The following ATP11C variants were observed in gnomAD, a reference collection of about 807,000 sequenced individuals.
ATP11C encodes the protein ATPase phospholipid transporting 11C (ATP11C blood group), also known as phospholipid-transporting ATPase IG.
ATP11C carries 36 observed loss-of-function variants against 97.4 expected under a neutral mutation model. The observed-to-expected ratio is 0.37, with a 90% CI of 0.28 to 0.49. ATP11C has a LOEUF of 0.49. Among genes scored for constraint, ATP11C ranks in the 20% least tolerant of loss-of-function variants. ATP11C has a pLI of 0.98. For missense variants in ATP11C, 730 were observed against 824.6 expected (o/e 0.89, Z 1.40); for synonymous variants, 275 against 290.9 (o/e 0.95, Z 0.56).
chrX:139,906,511 T>C (rs973105087), intron 1 of ATP11C, among the ~76,000 whole-genome samples: 20 of 109,601 alleles, frequency 1.8e-4, no homozygotes, highest in Non-Finnish European at 3.6e-4. Context: ...TGGCCGGGCA[T>C]GGTGGCTCAC....
At chrX:139,934,235 C>G (rs4825170), upstream of ATP11C, among the ~76,000 whole-genome samples, 178 of 111,718 alleles carry the variant, frequency 1.6e-3, no homozygotes, top group Admixed American at 4.5e-3. Context: ...AAACATGTTA[C>G]GAAGTTTGAA....
At position 139,729,561 on chromosome X, in the gene ATP11C, G is replaced by C. The variant is rs564621689; in HGVS notation, c.*4-599C>G. Among the ~76,000 whole-genome samples the C allele has an allele frequency of 1.2e-3, 133 of 111,614 alleles. 2 individuals are homozygous for C. The highest frequency in any genetic ancestry group is 2.6e-3 in the South Asian group (7 of 2,664). On this transcript the variant is annotated intron_variant, in intron 29 of 29. Transcript: ENST00000682941. ...TTGGTAGATCATGTATCTATGAGTC[G>C]ATTGATTCTTCTGTTTTTTCTTATG...
At chrX:139,812,189 T>C (rs934580280) in intron 5 of ATP11C, among the ~76,000 whole-genome samples, 4 of 112,063 alleles carry the variant, frequency 3.6e-5, no homozygotes, top group Admixed American at 9.5e-5. Context: ...ATCTGCTATT[T>C]AGAGACTGCT....
intron 1 of ATP11C, among the ~76,000 whole-genome samples, chrX:139,919,486 CACACACAA>C (rs1280863054): frequency 9.4e-6 from 1 of 106,721 alleles, no homozygotes; most frequent in Non-Finnish European, 1.9e-5. Context: ...CACACACACA[CACACACAA>C]ACTACTTATT....
intron 5 of ATP11C, among the ~76,000 whole-genome samples, chrX:139,808,936 A>T (rs2083104663): frequency 9.0e-6 from 1 of 111,131 alleles, no homozygotes; most frequent in Non-Finnish European, 1.9e-5. Flanking sequence ...AACATGGCAA[A>T]ACCCCGTCTC....
chrX:139,809,697 C>T (rs1406146881), intron 5 of ATP11C, among the ~76,000 whole-genome samples: 2 of 112,197 alleles, frequency 1.8e-5, no homozygotes, highest in Admixed American at 9.4e-5. Flanking sequence ...GGCGCGGTGG[C>T]TCATGCCTGT....
chrX:139,832,132 GAAAT>G (rs2083663090), intron 1 of ATP11C: 1 of 1,202,252 alleles, frequency 8.3e-7, no homozygotes, highest in South Asian at 1.8e-5. Context: ...GAAAAGAGGA[GAAAT>G]AAATATAGAT....
At chrX:139,845,764 C>T (rs1010901807) in intron 1 of ATP11C, among the ~76,000 whole-genome samples, 1 of 112,279 alleles carries the variant, frequency 8.9e-6, no homozygotes, top group Admixed American at 9.4e-5. Context: ...AAAGAACTCT[C>T]GCTAATTTTC....
chrX:139,850,505 G>A (rs2083972804), intron 1 of ATP11C, among the ~76,000 whole-genome samples: 1 of 112,033 alleles, frequency 8.9e-6, no homozygotes, highest in South Asian at 3.7e-4. Context: ...TAGGATATTT[G>A]GTAGAAGAAA....
chrX:139,826,851 A>G, intron 1 of ATP11C, 28 bp from the exon 2 acceptor site: 2 of 1,190,070 alleles, frequency 1.7e-6, no homozygotes, highest in East Asian at 6.1e-5. Flanking sequence ...GAAAAAATTC[A>G]GTTTTTCATC....
At position 139,916,213 on chromosome X, in the gene ATP11C, A is replaced by G. The variant is rs1314652806; in HGVS notation, c.27+15803T>C. The stretch of plus-strand genomic sequence containing the variant: ...CACTGCATTCCAGCCTGGGTAACAG[A>G]GCAAGACTCTGTCTTAAAAAAAAAA... On this transcript the variant is annotated intron_variant, in intron 1 of 29. Transcript: ENST00000682941. 9.2e-5 allele frequency among the ~76,000 whole-genome samples: 8 copies of G among 87,431 alleles called. No homozygotes were observed. The Admixed American group carries it at 1.2e-3, about 13-fold the overall frequency. The allele number at this position is 87,431 out of a possible 115,157, so 75.9% of individuals were successfully genotyped here. A position where few individuals can be genotyped will look rare whatever the true frequency, so the allele number is the denominator to read the frequency against.
chrX:139,789,672 G>A (rs2082648032), intron 12 of ATP11C, among the ~76,000 whole-genome samples, 184 bp from the exon 13 acceptor site: 1 of 111,982 alleles, frequency 8.9e-6, no homozygotes, highest in Non-Finnish European at 1.9e-5. Flanking sequence ...TATTTTTAAA[G>A]ACACCAAAAT....
intron 29 of ATP11C, among the ~76,000 whole-genome samples, chrX:139,730,981 A>G (rs1271493746): frequency 8.9e-6 from 1 of 111,879 alleles, no homozygotes; most frequent in East Asian, 2.8e-4. Flanking sequence ...AACATTAATT[A>G]TAAAGCATTT....
chrX:139,829,443 A>T (rs2147889962), intron 1 of ATP11C, among the ~76,000 whole-genome samples: 1 of 112,432 alleles, frequency 8.9e-6, no homozygotes, highest in East Asian at 2.8e-4. Context: ...CAGTGGTGTT[A>T]GTTCCTGTGA....
intron 19 of ATP11C, among the ~76,000 whole-genome samples, chrX:139,771,726 T>C (rs1221319858): frequency 3.6e-5 from 4 of 111,541 alleles, no homozygotes; most frequent in African/African-American, 1.3e-4. Flanking sequence ...TAGAGATTTG[T>C]GGAAGTTTGA....
In ATP11C at chrX:139,738,032, C is replaced by A; in HGVS notation, c.3172G>T (p.Ala1058Ser). Reference protein sequence around the residue: ...LKQQRMYFVFAQMLSSVSTWL... With the variant: ...LKQQRMYFVFSQMLSSVSTWL... ...GTGGATACAGAAGACAGCATTTGGG[C>A]AAATACAAAATACATTCTCTGTTGC... The change falls in exon 28 of 30, where the codon GCC becomes TCC. Residue 1058 changes from alanine to serine, a missense_variant. Ala to Ser is a moderately conservative substitution (Grantham distance 99, BLOSUM62 1). Coordinates refer to ENST00000682941, the MANE Select transcript of ATP11C (RefSeq NM_001353812.2). 1 of 1,204,087 alleles carries A rather than the reference C, an allele frequency of 8.3e-7. No individual in the cohort carries two copies. Among genetic ancestry groups the A allele is most frequent in the Non-Finnish European group, 1.1e-6 (1 of 891,667 alleles).
At chrX:139,754,849 A>G (rs1054657118) in intron 23 of ATP11C, among the ~76,000 whole-genome samples, 1 of 112,179 alleles carries the variant, frequency 8.9e-6, no homozygotes, top group African/African-American at 3.2e-5. Flanking sequence ...CTTCAAAATA[A>G]TAAGAGCCAT....
intron 1 of ATP11C, among the ~76,000 whole-genome samples, chrX:139,832,601 A>G (rs2083673931): frequency 8.9e-6 from 1 of 112,576 alleles, no homozygotes. Flanking sequence ...ATGGACCACA[A>G]TAAAAAGTGG....
In ATP11C at chrX:139,819,284, C is replaced by T. The variant is rs1032143768; in HGVS notation, c.237+54G>A. On this transcript the variant is annotated intron_variant, in intron 3 of 29. Coordinates refer to ENST00000682941, the MANE Select transcript of ATP11C (RefSeq NM_001353812.2). ...TAAGGTTAGAAATAGATTGAAAATT[C>T]GTTTAAAGCAATCAAGTTTCTAAAA... The T allele has an allele frequency of 2.8e-5, 14 of 500,241 alleles. No individual in the cohort carries two copies. The South Asian group carries it at 3.2e-4, about 11-fold the overall frequency. 41.2% of individuals were successfully genotyped at this position (500,241 alleles called of 1,213,427 possible). A position where few individuals can be genotyped will look rare whatever the true frequency, so the allele number is the denominator to read the frequency against.
Sources: allele counts gnomAD v4.1 joint callset (sites outside exome capture counted in the v4.1 genomes callset), GRCh38; gene constraint gnomAD v4.1.1; transcripts MANE v1.5; gene names NCBI Gene and HGNC (gene_info 2026-07-23, HGNC 2026-07-21).